The following RPGR variants were observed in gnomAD, a reference collection of about 807,000 sequenced individuals.
RPGR encodes the protein X-linked retinitis pigmentosa GTPase regulator.
RPGR carries 10 observed loss-of-function variants against 56.3 expected under a neutral mutation model. That is an observed-to-expected ratio of 0.18 (90% CI 0.11 to 0.30). The LOEUF (loss-of-function observed/expected upper bound fraction) is 0.30. RPGR is among the 10% of genes least tolerant of loss of function. RPGR has a pLI of 1.00. For missense variants in RPGR, 538 were observed against 590.9 expected (o/e 0.91, Z 0.93); for synonymous variants, 197 against 212.9 (o/e 0.93, Z 0.65).
rs373778022 is a variant in RPGR at position 38,297,275 on chromosome X, A to G, written c.1414+9T>C. 2.1e-4 allele frequency: 255 copies of G among 1,206,373 alleles called. No individual in the cohort carries two copies. Among genetic ancestry groups the G allele is most frequent in the Non-Finnish European group, 2.8e-4 (253 of 892,761 alleles). On this transcript the variant is annotated intron_variant, in intron 11 of 18. Transcript: ENST00000642395. Reference sequence around the variant, plus strand: ...TTATCCTGAGAGCAGACAGAGTAGCAAATGTTACCTGGTTCCTCTGGCTGC... The same window carrying G: ...TTATCCTGAGAGCAGACAGAGTAGCGAATGTTACCTGGTTCCTCTGGCTGC...
chrX:38,310,554 T>A (rs992799469), intron 7 of RPGR, 61 bp downstream of exon 7: 6 of 1,137,133 alleles, frequency 5.3e-6, no homozygotes, highest in South Asian at 3.7e-5. Context: ...AAATGAACAT[T>A]AAAAAAATTT....
intron 7 of RPGR, among the ~76,000 whole-genome samples, chrX:38,305,772 A>G (rs2067587449): frequency 9.3e-6 from 1 of 107,461 alleles, no homozygotes; most frequent in African/African-American, 3.4e-5. Context: ...AAAATAAAAT[A>G]AAATAAAATA....
At chrX:38,298,749 C>T (rs1272676252) in intron 10 of RPGR, among the ~76,000 whole-genome samples, 1 of 111,749 alleles carries the variant, frequency 8.9e-6, no homozygotes, top group Non-Finnish European at 1.9e-5. Context: ...TTTAAATTTT[C>T]TAATTTGTGT....
intron 4 of RPGR, 113 bp from the exon 5 acceptor site, chrX:38,319,100 A>T: frequency 1.3e-6 from 1 of 772,404 alleles, no homozygotes. Flanking sequence ...GAAAGCTATC[A>T]CTATCCTATT....
At position 38,319,054 on chromosome X, in the gene RPGR, T is replaced by G. The variant is rs184238886; in HGVS notation, c.311-67A>C. 4 of 1,076,189 alleles carry G rather than the reference T, an allele frequency of 3.7e-6. No homozygotes were observed. The African/African-American group carries it at 7.3e-5, about 20-fold the overall frequency. The allele number at this position is 1,076,189 out of a possible 1,213,427, so 88.7% of individuals were successfully genotyped here. ...CCTTTTTATGAGACAGGTCAGTGTA[T>G]AGCAGCGATTTCCTCTATTAACAGT... On this transcript the variant is annotated intron_variant, in intron 4 of 18. Coordinates refer to ENST00000642395, the MANE Select transcript of RPGR (RefSeq NM_000328.3).
At chrX:38,291,367 T>C (rs2067276198) in intron 12 of RPGR, 26 bp downstream of exon 12, 1 of 930,413 alleles carries the variant, frequency 1.1e-6, no homozygotes, top group Non-Finnish European at 1.6e-6. Context: ...AACTCATATT[T>C]AGATAAATAG....
At chrX:38,274,919 G>T (rs2066905760) in intron 17 of RPGR, among the ~76,000 whole-genome samples, 1 of 112,253 alleles carries the variant, frequency 8.9e-6, no homozygotes, top group African/African-American at 3.2e-5. Flanking sequence ...GAACAGATAA[G>T]TCTGTATCAC....
At chrX:38,325,173 CAAA>C (rs1170174575) in intron 1 of RPGR, among the ~76,000 whole-genome samples, 7 of 40,694 alleles carry the variant, frequency 1.7e-4, no homozygotes, top group African/African-American at 4.7e-4. Context: ...GACTCCGTCT[CAAA>C]AAAAAAAAAA....
At chrX:38,271,639 A>G (rs1270507804) in intron 18 of RPGR, among the ~76,000 whole-genome samples, 1 of 112,166 alleles carries the variant, frequency 8.9e-6, no homozygotes, top group African/African-American at 3.2e-5. Context: ...AAATGAACTT[A>G]AAGTGGTCCT....
Position 38,301,334 on chromosome X carries a change from G to C in RPGR, c.972C>G (p.His324Gln). The change falls in exon 9 of 19, where the codon CAC becomes CAG. Residue 324 changes from histidine (H) to glutamine (Q), a missense_variant. Around this residue, in one of 2 missense-constraint regions of RPGR, gnomAD observed 181 missense variants for 265.1 expected, o/e 0.68. Coordinates refer to ENST00000642395, the MANE Select transcript of RPGR (RefSeq NM_000328.3). ...TCTCCAGTCCAAGTCCTAATTTTCC[G>C]TGGCGACCATCTCCAAAAGTATACA... 1 of 1,205,708 alleles carries C rather than the reference G, an allele frequency of 8.3e-7. No individual in the cohort carries two copies. The highest frequency in any genetic ancestry group is 1.8e-5 in the South Asian group (1 of 56,821).
chrX:38,322,375 C>T (rs2067959577), intron 3 of RPGR, among the ~76,000 whole-genome samples: 1 of 111,883 alleles, frequency 8.9e-6, no homozygotes, highest in Non-Finnish European at 1.9e-5. Context: ...TACACTAGTA[C>T]TAATCAATCC....
At chrX:38,305,805 T>G (rs1373941948) in intron 7 of RPGR, among the ~76,000 whole-genome samples, 1 of 108,218 alleles carries the variant, frequency 9.2e-6, no homozygotes, top group Non-Finnish European at 1.9e-5. Context: ...ATAAAAGTAG[T>G]TTAATAATCT....
Position 38,325,163 on chromosome X carries a change from G to A in RPGR, c.29-1639C>T, listed in dbSNP as rs775710295. On this transcript the variant is annotated intron_variant, in intron 1 of 18. Transcript: ENST00000642395. Reference sequence around the variant, plus strand: ...CAAGCCTGGGCGACAGTGTGACTGTGACTCCGTCTCAAAAAAAAAAAAAAA... The same window carrying A: ...CAAGCCTGGGCGACAGTGTGACTGTAACTCCGTCTCAAAAAAAAAAAAAAA... Among the ~76,000 whole-genome samples the A allele has an allele frequency of 4.2e-5, 4 of 94,305 alleles. No homozygotes were observed. The East Asian group carries it at 1.3e-3, about 31-fold the overall frequency. 81.9% of individuals were successfully genotyped at this position (94,305 alleles called of 115,157 possible). A position where few individuals can be genotyped will look rare whatever the true frequency, so the allele number is the denominator to read the frequency against.
At chrX:38,314,281 T>C (rs2067776363) in intron 6 of RPGR, among the ~76,000 whole-genome samples, 1 of 111,771 alleles carries the variant, frequency 8.9e-6, no homozygotes, top group African/African-American at 3.3e-5. Flanking sequence ...TTTTTCTTAT[T>C]TATATATAAA....
intron 7 of RPGR, 62 bp from the exon 8 acceptor site, chrX:38,304,852 T>G (rs1332009782): frequency 1.8e-6 from 2 of 1,092,200 alleles, no homozygotes; most frequent in East Asian, 6.2e-5. Flanking sequence ...TACCATCATA[T>G]CTGGAAAAAC....
Position 38,322,857 on chromosome X carries a change from G to A in RPGR, c.243C>T (p.Val81=). Residue 81 remains valine, a synonymous_variant, in exon 3 of 19, where the codon GTC becomes GTT. Coordinates refer to ENST00000642395, the MANE Select transcript of RPGR (RefSeq NM_000328.3). ...AAAGATAAAAAGATCCCAAACCTTT[G>A]ACACATGTTGGCTTGCTGATGGCTG... is the stretch of plus-strand genomic sequence containing the variant. 1 of 1,204,820 alleles carries A rather than the reference G, an allele frequency of 8.3e-7. No homozygotes were observed. The highest frequency in any genetic ancestry group is 1.1e-6 in the Non-Finnish European group (1 of 889,357).
intron 11 of RPGR, among the ~76,000 whole-genome samples, chrX:38,292,969 C>G (rs80108562): frequency 0.094 from 10,481 of 111,239 alleles, 509 homozygotes; most frequent in African/African-American, 0.16. Flanking sequence ...CTTACCAAAT[C>G]CCAGAAACAT....
chrX:38,327,429 G>A lies in RPGR; in HGVS notation c.-62C>T, dbSNP rs1461048253. The stretch of plus-strand genomic sequence containing the variant: ...GAGGCTGTAGAGGACGGTTTGGTCG[G>A]GGCTAAAGCAGCTACTCCGCACCGA... On this transcript the variant is annotated 5_prime_UTR_variant, in exon 1 of 19. Coordinates refer to ENST00000642395, the MANE Select transcript of RPGR (RefSeq NM_000328.3). 3 of 1,086,889 alleles carry A rather than the reference G, an allele frequency of 2.8e-6. No individual in the cohort carries two copies. The African/African-American group carries it at 5.6e-5, about 20-fold the overall frequency. 89.6% of individuals were successfully genotyped at this position (1,086,889 alleles called of 1,213,427 possible). A position where few individuals can be genotyped will look rare whatever the true frequency, so the allele number is the denominator to read the frequency against.
chrX:38,311,046 C>T (rs958912231), intron 6 of RPGR, among the ~76,000 whole-genome samples: 1 of 112,510 alleles, frequency 8.9e-6, no homozygotes, highest in Non-Finnish European at 1.9e-5. Flanking sequence ...TATCTTGTGT[C>T]TTTTACTTAC....
Sources: gnomAD v4.1 joint callset for allele counts (sites outside exome capture counted in the v4.1 genomes callset) on GRCh38, gnomAD v4.1.1 for gene constraint, gnomAD v4.1.1 regional missense constraint, MANE v1.5 for transcripts, NCBI Gene and HGNC (gene_info 2026-07-23, HGNC 2026-07-21) for gene names.